MERTK: variants seen among roughly 807,000 people sequenced by gnomAD.
MERTK encodes tyrosine-protein kinase Mer.
A neutral mutation model predicts 99.3 loss-of-function variants in MERTK; 69 were observed. That is an observed-to-expected ratio of 0.70 (90% CI 0.57 to 0.85). The LOEUF (loss-of-function observed/expected upper bound fraction) is 0.85, where lower values mean the gene tolerates loss of function less well. Among genes scored for constraint, MERTK ranks in the 40% least tolerant of loss-of-function variants. MERTK has a pLI of 0.00. For missense variants in MERTK, 1,125 were observed against 1,249.4 expected (o/e 0.90, Z 1.50); for synonymous variants, 426 against 467.6 (o/e 0.91, Z 1.15).
Position 112,001,295 on chromosome 2 carries a change from A to T in MERTK, c.1690+9A>T. On this transcript the variant is annotated intron_variant, in intron 11 of 18. Transcript: ENST00000295408. Reference sequence around the variant, plus strand: ...AGCCATTGAACTTACCTGTAAGTTGACTTTCATTTCCCTTTTTGGCAAAAG... The same window carrying T: ...AGCCATTGAACTTACCTGTAAGTTGTCTTTCATTTCCCTTTTTGGCAAAAG... The T allele has an allele frequency of 6.2e-7, 1 of 1,605,500 alleles. No individual in the cohort carries two copies. The highest frequency in any genetic ancestry group is 1.1e-5 in the South Asian group (1 of 90,922).
intron 13 of MERTK, among the ~76,000 whole-genome samples, chr2:112,007,759 T>C (rs1379588811): frequency 6.6e-6 from 1 of 151,598 alleles, no homozygotes; most frequent in Non-Finnish European, 1.5e-5. Flanking sequence ...CATACAACAA[T>C]AGAAACAGAG....
chr2:111,956,851 T>C (rs920036833), intron 4 of MERTK, among the ~76,000 whole-genome samples: 1 of 152,152 alleles, frequency 6.6e-6, no homozygotes, highest in Non-Finnish European at 1.5e-5. Flanking sequence ...GATCTCACTA[T>C]GTTGTCCAGG....
chr2:111,985,792 A>G (rs951169688), intron 8 of MERTK, among the ~76,000 whole-genome samples: 1 of 152,098 alleles, frequency 6.6e-6, no homozygotes, highest in East Asian at 1.9e-4. Context: ...ACCTCCCACC[A>G]GGACCCTCCC....
At chr2:111,967,702 C>T (rs1216258909) in intron 5 of MERTK, among the ~76,000 whole-genome samples, 3 of 152,116 alleles carry the variant, frequency 2.0e-5, no homozygotes, top group Non-Finnish European at 4.4e-5. Flanking sequence ...GGTGACAGGG[C>T]GCTCTTATTC....
At chr2:111,981,336 T>G (rs1373905789) in intron 7 of MERTK, among the ~76,000 whole-genome samples, 2 of 152,210 alleles carry the variant, frequency 1.3e-5, no homozygotes, top group Admixed American at 6.5e-5. Context: ...CCATTGGATT[T>G]TTTTATATCA....
chr2:112,021,396 C>A (rs1219464038), intron 16 of MERTK, 26 bp from the exon 17 acceptor site: 2 of 1,612,020 alleles, frequency 1.2e-6, no homozygotes, highest in Non-Finnish European at 1.7e-6. Context: ...TCTGACGCTG[C>A]TGAAGACGTA....
chr2:111,917,870 TGA>T (rs1253882175), intron 1 of MERTK, among the ~76,000 whole-genome samples: 1 of 137,158 alleles, frequency 7.3e-6, no homozygotes, highest in Non-Finnish European at 1.6e-5. Context: ...GGTGACAGAG[TGA>T]GACTCTGTCT....
chr2:112,026,530 C>G (rs751661255), intron 18 of MERTK, among the ~76,000 whole-genome samples: 1 of 152,120 alleles, frequency 6.6e-6, no homozygotes, highest in Non-Finnish European at 1.5e-5. Flanking sequence ...AAAATAAAAA[C>G]AGAAACCGTC....
chr2:111,951,036 T>C (rs1364342769), intron 4 of MERTK, among the ~76,000 whole-genome samples: 1 of 151,766 alleles, frequency 6.6e-6, no homozygotes, highest in Non-Finnish European at 1.5e-5. Flanking sequence ...ACTTAAGGTA[T>C]ACAATGTAAT....
intron 8 of MERTK, 60 bp from the exon 9 acceptor site, chr2:111,994,191 G>A (rs1676687434): frequency 6.3e-7 from 1 of 1,593,248 alleles, no homozygotes; most frequent in Admixed American, 1.7e-5. Flanking sequence ...AACTGTAGAT[G>A]CACCTGCAGT....
At position 111,975,477 on chromosome 2, in the gene MERTK, T is replaced by A. The variant is rs1240673243; in HGVS notation, c.1144+5T>A. 6.2e-7 allele frequency: 1 copy of A among 1,613,736 alleles called. No homozygotes were observed. Among genetic ancestry groups the A allele is most frequent in the African/African-American group, 1.3e-5 (1 of 74,904 alleles). On this transcript the variant is annotated splice_donor_5th_base_variant and intron_variant, in intron 7 of 18. Transcript: ENST00000295408. The stretch of plus-strand genomic sequence containing the variant: ...TAGCCAGCACGACTGAAGGAGGTAA[T>A]TCCTGGGGTTCAGAATGTATATTGC...
chr2:112,014,880 C>T (rs1411945807), intron 15 of MERTK, among the ~76,000 whole-genome samples: 3 of 152,026 alleles, frequency 2.0e-5, no homozygotes, highest in Non-Finnish European at 4.4e-5. Flanking sequence ...CTTAAATGAT[C>T]CACCCGCTTT....
chr2:112,028,326 C>A, intron 18 of MERTK, 25 bp from the exon 19 acceptor site: 1 of 1,612,234 alleles, frequency 6.2e-7, no homozygotes, highest in Non-Finnish European at 8.5e-7. Context: ...TGCTGGGAGA[C>A]AATCCACTTC....
At chr2:111,973,991 C>CAAAAA (rs34537631) in intron 6 of MERTK, among the ~76,000 whole-genome samples, 3 of 84,700 alleles carry the variant, frequency 3.5e-5, no homozygotes, top group African/African-American at 5.8e-5. Context: ...ATCTCCTCAT[C>CAAAAA]AAAAAAAAAA....
chr2:111,954,038 A>G, intron 4 of MERTK, among the ~76,000 whole-genome samples: 1 of 152,098 alleles, frequency 6.6e-6, no homozygotes, highest in Non-Finnish European at 1.5e-5. Flanking sequence ...CCACCACCAT[A>G]GTGAGTGATG....
At chr2:111,965,921 AGG>A (rs1164768894) in intron 5 of MERTK, among the ~76,000 whole-genome samples, 1 of 152,220 alleles carries the variant, frequency 6.6e-6, no homozygotes, top group African/African-American at 2.4e-5. Context: ...ATAGAATTAA[AGG>A]CACACATTTG....
chr2:111,904,878 G>A (rs1302775771), intron 1 of MERTK, among the ~76,000 whole-genome samples: 1 of 152,190 alleles, frequency 6.6e-6, no homozygotes, highest in Non-Finnish European at 1.5e-5. Flanking sequence ...AATGGCATGG[G>A]TGAGCCAACC....
rs771189892 is a variant in MERTK at position 111,929,157 on chromosome 2, G to A, written c.99G>A (p.Pro33=). The change falls in exon 2 of 19, where the codon CCG becomes CCA. Residue 33 remains proline, a synonymous_variant. Coordinates refer to ENST00000295408, the MANE Select transcript of MERTK (RefSeq NM_006343.3). ...CAAGGGAAGAAGCCAAGCCTTACCC[G>A]CTATTCCCGGGACCTTTTCCAGGGA... The part of the protein sequence containing the change: ...TEAREEAKPY[P]LFPGPFPGSL... 23 of 1,613,988 alleles carry A rather than the reference G, an allele frequency of 1.4e-5. No homozygotes were observed. The highest frequency in any genetic ancestry group is 2.7e-5 in the African/African-American group (2 of 74,900).
intron 1 of MERTK, among the ~76,000 whole-genome samples, chr2:111,922,006 A>T (rs562440750): frequency 3.9e-5 from 6 of 152,176 alleles, no homozygotes; most frequent in African/African-American, 1.4e-4. Context: ...CACTCCTGCC[A>T]TTACTGTAAC....
Sources: gnomAD v4.1 joint callset for allele counts (sites outside exome capture counted in the v4.1 genomes callset) on GRCh38, gnomAD v4.1.1 for gene constraint, MANE v1.5 for transcripts, NCBI Gene and HGNC (gene_info 2026-07-23, HGNC 2026-07-21) for gene names.